The following CKAP5 variants were observed in gnomAD, a reference collection of about 807,000 sequenced individuals.
CKAP5 encodes cytoskeleton associated protein 5.
Under a neutral mutation model 232.8 loss-of-function variants are expected in CKAP5, and 27 were observed. That is an observed-to-expected ratio of 0.12 (90% CI 0.09 to 0.16). The LOEUF is 0.16. Ranked by LOEUF, CKAP5 falls within the 10% of genes least tolerant of loss-of-function variation. The probability of loss-of-function intolerance (pLI) is 1.00; values close to 1 mark genes in which losing one functional copy is unlikely to be tolerated. For missense variants in CKAP5, 1,838 were observed against 2,424.7 expected (o/e 0.76, Z 5.08); for synonymous variants, 785 against 841.1 (o/e 0.93, Z 1.16).
intron 2 of CKAP5, 193 bp downstream of exon 2, chr11:46,820,978 GAATT>G: frequency 1.9e-6 from 1 of 531,906 alleles, no homozygotes; most frequent in South Asian, 2.6e-5. Context: ...TCTTTTCTTT[GAATT>G]CTTTCCAGAG....
chr11:46,753,210 G>C (rs777667726), intron 37 of CKAP5, 100 bp downstream of exon 37: 1 of 890,432 alleles, frequency 1.1e-6, no homozygotes, highest in Non-Finnish European at 1.7e-6. Flanking sequence ...GATTATGATT[G>C]TTAGGTTGCC....
chr11:46,834,832 G>T (rs11039001), intron 1 of CKAP5, among the ~76,000 whole-genome samples: 58 of 152,028 alleles, frequency 3.8e-4, no homozygotes, highest in African/African-American at 1.3e-3. Flanking sequence ...TTTAGACAGG[G>T]TCTCACTCTG....
At chr11:46,781,263 C>T (rs1411809993) in intron 18 of CKAP5, among the ~76,000 whole-genome samples, 1 of 152,198 alleles carries the variant, frequency 6.6e-6, no homozygotes, top group Non-Finnish European at 1.5e-5. Flanking sequence ...TTCTATTCTA[C>T]TTTTTAAATA....
At chr11:46,787,878 A>C (rs975374649) in intron 16 of CKAP5, among the ~76,000 whole-genome samples, 2 of 152,168 alleles carry the variant, frequency 1.3e-5, no homozygotes, top group African/African-American at 4.8e-5. Flanking sequence ...GCCACTCCTG[A>C]AACAGCAAGA....
rs779159845 is a variant in CKAP5, at chr11:46,778,195, T to C, written c.2692A>G (p.Ile898Val). ...TTCAAGGCAGTTGGAAGTTCACCTATATTCGGTTGGATAAATTTTGCGTCA... is the reference window on the plus strand; with the variant it reads ...TTCAAGGCAGTTGGAAGTTCACCTACATTCGGTTGGATAAATTTTGCGTCA... The part of the protein sequence containing the change: ...INDAKFIQPN[I>V]GELPTALKGR... Residue 898 changes from isoleucine to valine, a missense_variant, in exon 22 of 44, where the codon ATA (isoleucine) becomes GTA (valine). Transcript: ENST00000529230. 3 of 1,614,168 alleles carry C rather than the reference T, an allele frequency of 1.9e-6. No individual in the cohort carries two copies. In the South Asian group the frequency reaches 3.3e-5, roughly 18 times the overall value.
intron 42 of CKAP5, among the ~76,000 whole-genome samples, chr11:46,744,992 T>C (rs560507644): frequency 3.3e-5 from 5 of 152,328 alleles, no homozygotes; most frequent in East Asian, 1.9e-4. Context: ...AGAAACTCAT[T>C]TGAACCTGTG....
In CKAP5 at chr11:46,743,407, T is replaced by C. The variant is rs71474191; in HGVS notation, c.*616A>G. The stretch of plus-strand genomic sequence containing the variant: ...AAGGAATAAAAGACAGCTCCAAGTC[T>C]GTGAGCCAAGAAAAAGGGAAGCTCT... On this transcript the variant is annotated 3_prime_UTR_variant, in exon 44 of 44. Coordinates refer to ENST00000529230, the MANE Select transcript of CKAP5 (RefSeq NM_001008938.4). 0.02 allele frequency: 2,992 copies of C among 153,112 alleles called. 34 individuals carry two copies. Among genetic ancestry groups the C allele is most frequent in the Non-Finnish European group, 0.03 (2,052 of 68,516 alleles). The allele number at this position is 153,112 out of a possible 1,614,324, so 9.5% of individuals were successfully genotyped here.
At chr11:46,802,346 T>C (rs1211003427) in intron 8 of CKAP5, 1 of 152,200 alleles carries the variant, frequency 6.6e-6, no homozygotes, top group African/African-American at 2.4e-5. Context: ...GATTTTACTG[T>C]GGTACACTGC....
chr11:46,797,563 T>C (rs1407469821), intron 11 of CKAP5, among the ~76,000 whole-genome samples: 1 of 152,118 alleles, frequency 6.6e-6, no homozygotes, highest in Non-Finnish European at 1.5e-5. Context: ...AACACCAGTA[T>C]ATGGGACAAG....
chr11:46,782,688 T>TA (rs1340546676), intron 18 of CKAP5, among the ~76,000 whole-genome samples: 1 of 152,234 alleles, frequency 6.6e-6, no homozygotes, highest in Non-Finnish European at 1.5e-5. Context: ...CCAAATTACT[T>TA]AAACTTTCTG....
chr11:46,751,370 G>C lies in CKAP5; in HGVS notation c.5298C>G (p.Thr1766=). 6.2e-7 allele frequency: 1 copy of C among 1,613,920 alleles called. No individual in the cohort carries two copies. Among genetic ancestry groups the C allele is most frequent in the Non-Finnish European group, 8.5e-7 (1 of 1,179,944 alleles). ...PIRTLKTLLH[T]LCKLKGPKIL... is the part of the protein sequence containing the mutation. The stretch of plus-strand genomic sequence containing the variant: ...CCTTGGGCCCTTTTAATTTGCATAA[G>C]GTGTGTAGCAGGGTCTTTAGGGTCC... Residue 1766 remains threonine, a synonymous_variant, in exon 39 of 44, where the codon ACC becomes ACG. Transcript: ENST00000529230.
At chr11:46,744,837 T>C (rs1450988561) in intron 42 of CKAP5, among the ~76,000 whole-genome samples, 1 of 152,126 alleles carries the variant, frequency 6.6e-6, no homozygotes, top group Non-Finnish European at 1.5e-5. Flanking sequence ...ATGCAGGGGA[T>C]TGTACTCCAG....
rs1341065016 is a variant in CKAP5 at position 46,762,201 on chromosome 11, G to C, written c.4028-8C>G. On this transcript the variant is annotated splice_polypyrimidine_tract_variant and splice_region_variant and intron_variant, in intron 31 of 43. Transcript: ENST00000529230. ...CCAGCTCTTCCAGGCACTCTGATGGGGGAGAAAGGCTAGATTAATGAGACA... is the reference window on the plus strand; with the variant it reads ...CCAGCTCTTCCAGGCACTCTGATGGCGGAGAAAGGCTAGATTAATGAGACA... 5 of 1,612,296 alleles carry C rather than the reference G, an allele frequency of 3.1e-6. No individual in the cohort carries two copies. The highest frequency in any genetic ancestry group is 4.2e-6 in the Non-Finnish European group (5 of 1,179,110).
chr11:46,762,148 T>C lies in CKAP5; in HGVS notation c.4073A>G (p.Asn1358Ser). 1.2e-6 allele frequency: 2 copies of C among 1,614,110 alleles called. No individual in the cohort carries two copies. Among genetic ancestry groups the C allele is most frequent in the Non-Finnish European group, 1.7e-6 (2 of 1,179,998 alleles). The change falls in exon 32 of 44, where the codon AAT (asparagine) becomes AGT (serine). Residue 1358 changes from asparagine (N) to serine (S), a missense_variant. Asn to Ser is a conservative substitution (Grantham distance 46). Coordinates refer to ENST00000529230, the MANE Select transcript of CKAP5 (RefSeq NM_001008938.4). ...TTTTCCTGGGGTTGGTTGGCAAACA[T>C]TCATGCCATAGGACTCAACCAGACA... ...LGCLVESYGM[N>S]VCQPTPGKAL...
In CKAP5 at chr11:46,783,376, G is replaced by A; in HGVS notation, c.2155-8C>T. On this transcript the variant is annotated splice_region_variant and splice_polypyrimidine_tract_variant and intron_variant, in intron 17 of 43. Transcript: ENST00000529230. The stretch of plus-strand genomic sequence containing the variant: ...GAAAGCCATTGACACAACCTGAAAA[G>A]GGAAAAACAGCAGATCTGTGTTTTA... 4 of 1,539,484 alleles carry A rather than the reference G, an allele frequency of 2.6e-6. No homozygotes were observed. The highest frequency in any genetic ancestry group is 2.7e-6 in the Non-Finnish European group (3 of 1,115,782).
intron 1 of CKAP5, among the ~76,000 whole-genome samples, chr11:46,840,207 G>C (rs1940017731): frequency 6.6e-6 from 1 of 152,154 alleles, no homozygotes; most frequent in African/African-American, 2.4e-5. Flanking sequence ...GCTAGTAAAA[G>C]TATCTGGGCA....
intron 9 of CKAP5, among the ~76,000 whole-genome samples, chr11:46,799,367 C>T (rs1938973716): frequency 6.6e-6 from 1 of 152,176 alleles, no homozygotes; most frequent in African/African-American, 2.4e-5. Context: ...TTATAGACTA[C>T]TTGGTATAGT....
At chr11:46,805,072 A>T (rs1381591401) in intron 8 of CKAP5, among the ~76,000 whole-genome samples, 3 of 143,134 alleles carry the variant, frequency 2.1e-5, no homozygotes, top group African/African-American at 5.1e-5. Context: ...ACTAAAAATT[A>T]AAAAAAAAAA....
At position 46,811,236 on chromosome 11, in the gene CKAP5, TA is replaced by T. The variant is rs1406431639; in HGVS notation, c.459-59del. ...CGTGCAATGCAATTAAATAAAGCAT[TA>T]GCTTTTCTTCATTCAAACATAGTTC... is the stretch of plus-strand genomic sequence containing the variant. On this transcript the variant is annotated intron_variant, in intron 4 of 43. Coordinates refer to ENST00000529230, the MANE Select transcript of CKAP5 (RefSeq NM_001008938.4). The T allele has an allele frequency of 8.6e-5, 117 of 1,360,556 alleles. 1 individual carries two copies. Among genetic ancestry groups the T allele is most frequent in the Non-Finnish European group, 8.5e-5 (83 of 975,828 alleles). 84.3% of individuals were successfully genotyped at this position (1,360,556 alleles called of 1,614,324 possible). A position where few individuals can be genotyped will look rare whatever the true frequency, so the allele number is the denominator to read the frequency against.
Sources: gnomAD v4.1 joint callset for allele counts (sites outside exome capture counted in the v4.1 genomes callset) on GRCh38, gnomAD v4.1.1 for gene constraint, MANE v1.5 for transcripts, NCBI Gene and HGNC (gene_info 2026-07-23, HGNC 2026-07-21) for gene names.